NAB1: variants seen among roughly 807,000 people sequenced by gnomAD.
NAB1 encodes NGFI-A-binding protein 1.
Under a neutral mutation model 49.9 loss-of-function variants are expected in NAB1, and 25 were observed. That is an observed-to-expected ratio of 0.50 (90% CI 0.37 to 0.70). The LOEUF is 0.70. Among genes scored for constraint, NAB1 ranks in the 30% least tolerant of loss-of-function variants. The pLI is 0.00. For missense variants in NAB1, 489 were observed against 575.9 expected (o/e 0.85, Z 1.54); for synonymous variants, 198 against 215.6 (o/e 0.92, Z 0.71).
rs1487683443 is a variant in NAB1 at position 190,692,252 on chromosome 2, TAC to T, written c.*1921_*1922del. 2.6e-5 allele frequency: 4 copies of T among 152,648 alleles called. No individual in the cohort carries two copies. The highest frequency in any genetic ancestry group is 9.6e-5 in the African/African-American group (4 of 41,456). The allele number at this position is 152,648 out of a possible 1,614,324, so 9.5% of individuals were successfully genotyped here. ...ATTTTGTTTTTTTTTAATTGTGTCT[TAC>T]AGTCAAGTTTGTAGATTTTCATAAG... On this transcript the variant is annotated 3_prime_UTR_variant, in exon 10 of 10. Coordinates refer to ENST00000337386, the MANE Select transcript of NAB1 (RefSeq NM_005966.4). This position sits in a 1 kb window ranked among gnomAD's most constrained non-coding sequence, Gnocchi z 5.2.
rs1163107977 is a variant in NAB1 at position 190,678,096 on chromosome 2, ATTGT to A, written c.1005+4947_1005+4950del. ...TAAGAAATTTTCATTTGATATGCTG[ATTGT>A]TTATGAGTAAAAACCTTGTGTTGGG... On this transcript the variant is annotated intron_variant, in intron 6 of 9. Transcript: ENST00000337386. This position sits in a 1 kb window ranked among gnomAD's most constrained non-coding sequence, Gnocchi z 4.9. 1.3e-5 allele frequency among the ~76,000 whole-genome samples: 2 copies of A among 152,210 alleles called. No individual in the cohort carries two copies. The highest frequency in any genetic ancestry group is 2.9e-5 in the Non-Finnish European group (2 of 68,028).
chr2:190,678,385 T>C lies in NAB1; in HGVS notation c.1005+5233T>C, dbSNP rs1351228866. 1.3e-5 allele frequency among the ~76,000 whole-genome samples: 2 copies of C among 152,202 alleles called. No homozygotes were observed. Among genetic ancestry groups the C allele is most frequent in the Non-Finnish European group, 2.9e-5 (2 of 68,038 alleles). On this transcript the variant is annotated intron_variant, in intron 6 of 9. Coordinates refer to ENST00000337386, the MANE Select transcript of NAB1 (RefSeq NM_005966.4). This position sits in a 1 kb window ranked among gnomAD's most constrained non-coding sequence, Gnocchi z 4.9. ...TAACTCCAATGTTATAAGTAACATCTTAGAAGGGAGGAAGGATATATAAAG... is the reference window on the plus strand; with the variant it reads ...TAACTCCAATGTTATAAGTAACATCCTAGAAGGGAGGAAGGATATATAAAG...
chr2:190,671,542 T>C (rs1289071652), intron 5 of NAB1, among the ~76,000 whole-genome samples: 1 of 152,162 alleles, frequency 6.6e-6, no homozygotes, highest in Non-Finnish European at 1.5e-5. Context: ...TTTTTAATTT[T>C]CTTCATTGTA....
chr2:190,681,863 C>T (rs1193429252), intron 6 of NAB1, among the ~76,000 whole-genome samples: 1 of 152,152 alleles, frequency 6.6e-6, no homozygotes, highest in Non-Finnish European at 1.5e-5. Context: ...GTTATTATTA[C>T]ATTATTCCAT....
Position 190,690,350 on chromosome 2 carries a change from C to T in NAB1, c.*17C>T, listed in dbSNP as rs779696771. 1.5e-5 allele frequency: 24 copies of T among 1,561,836 alleles called. No homozygotes were observed. Among genetic ancestry groups the T allele is most frequent in the Middle Eastern group, 2.1e-4 (1 of 4,834 alleles). On this transcript the variant is annotated 3_prime_UTR_variant, in exon 10 of 10. Coordinates refer to ENST00000337386, the MANE Select transcript of NAB1 (RefSeq NM_005966.4). ...TCAAGATAGCTGTGATTTCTCTCAC[C>T]GTTCTCTGGAAATGGCATCAGATTT...
intron 4 of NAB1, among the ~76,000 whole-genome samples, chr2:190,660,583 T>C (rs536240778): frequency 1.3e-5 from 2 of 152,374 alleles, no homozygotes; most frequent in South Asian, 4.1e-4. Flanking sequence ...ATTTTGTCCA[T>C]ATAACATTAT....
chr2:190,659,151 T>A lies in NAB1; in HGVS notation c.-19-7T>A. The A allele has an allele frequency of 6.6e-7, 1 of 1,508,018 alleles. No individual in the cohort carries two copies. The highest frequency in any genetic ancestry group is 8.9e-7 in the Non-Finnish European group (1 of 1,121,316). 93.4% of individuals were successfully genotyped at this position (1,508,018 alleles called of 1,614,324 possible). Reference sequence around the variant, plus strand: ...TGAGTTTTTACTTTTTTTTTTTTTTTTGGCAGGTTAAACCCATCCAGAGTA... The same window carrying A: ...TGAGTTTTTACTTTTTTTTTTTTTTATGGCAGGTTAAACCCATCCAGAGTA... On this transcript the variant is annotated splice_region_variant and splice_polypyrimidine_tract_variant and intron_variant, in intron 3 of 9. Coordinates refer to ENST00000337386, the MANE Select transcript of NAB1 (RefSeq NM_005966.4). This position sits in a 1 kb window ranked among gnomAD's most constrained non-coding sequence, Gnocchi z 6.2.
rs1035949340 is a variant in NAB1, at chr2:190,690,987, T to C, written c.*654T>C. ...TATCAATGCACGTTTACACAATAAA[T>C]ACTTGAGTGGAGGAAAGTTAAAAAG... is the stretch of plus-strand genomic sequence containing the variant. On this transcript the variant is annotated 3_prime_UTR_variant, in exon 10 of 10. Coordinates refer to ENST00000337386, the MANE Select transcript of NAB1 (RefSeq NM_005966.4). 6.6e-6 allele frequency: 1 copy of C among 152,600 alleles called. No individual in the cohort carries two copies. Among genetic ancestry groups the C allele is most frequent in the South Asian group, 2.1e-4 (1 of 4,838 alleles). 9.5% of individuals were successfully genotyped at this position (152,600 alleles called of 1,614,324 possible).
chr2:190,649,717 C>G lies in NAB1; in HGVS notation c.-333-129C>G, dbSNP rs1693557301. On this transcript the variant is annotated intron_variant, in intron 1 of 9. Transcript: ENST00000337386. The surrounding 1 kb of genome is among the most constrained non-coding windows in gnomAD (Gnocchi z 6.1). ...GCGATGTGGGTTGTGCGCGCCGGCC[C>G]CAGAGTTTTGCAGCCACCTTCGTCA... The G allele has an allele frequency of 6.6e-6, 1 of 152,248 alleles. No homozygotes were observed. The highest frequency in any genetic ancestry group is 6.5e-5 in the Admixed American group (1 of 15,272). 9.4% of individuals were successfully genotyped at this position (152,248 alleles called of 1,614,324 possible).
At chr2:190,655,723 A>C (rs191539979) in intron 2 of NAB1, among the ~76,000 whole-genome samples, 8 of 152,278 alleles carry the variant, frequency 5.3e-5, no homozygotes, top group Admixed American at 1.3e-4. Flanking sequence ...TGTCAGGGAA[A>C]TTTTGTTTTC....
At chr2:190,681,639 G>A (rs1695350052) in intron 6 of NAB1, among the ~76,000 whole-genome samples, 1 of 152,148 alleles carries the variant, frequency 6.6e-6, no homozygotes, top group Non-Finnish European at 1.5e-5. Context: ...AAGCTACATA[G>A]GACCATCTTA....
Position 190,677,864 on chromosome 2 carries a change from A to G in NAB1, c.1005+4712A>G, listed in dbSNP as rs1257316456. Among the ~76,000 whole-genome samples, 1 of 152,130 alleles carries G rather than the reference A, an allele frequency of 6.6e-6. No individual in the cohort carries two copies. The highest frequency in any genetic ancestry group is 1.5e-5 in the Non-Finnish European group (1 of 68,030). ...CCTAGGTGCTAATGATTATTCACAA[A>G]GCATCTTACCTGTGAAAAAAACACT... On this transcript the variant is annotated intron_variant, in intron 6 of 9. Transcript: ENST00000337386. This position sits in a 1 kb window ranked among gnomAD's most constrained non-coding sequence, Gnocchi z 5.6.
intron 6 of NAB1, among the ~76,000 whole-genome samples, chr2:190,673,547 T>A (rs1393690862): frequency 6.6e-6 from 1 of 152,218 alleles, no homozygotes; most frequent in Non-Finnish European, 1.5e-5. Context: ...TCCAGTCAAT[T>A]TATCAAAGGT....
intron 4 of NAB1, among the ~76,000 whole-genome samples, chr2:190,661,582 T>TA (rs1694230130): frequency 6.6e-6 from 1 of 152,186 alleles, no homozygotes; most frequent in Non-Finnish European, 1.5e-5. Context: ...AAAAAAATCA[T>TA]ACCCTACTTT....
rs1026512165 is a variant in NAB1 at position 190,657,513 on chromosome 2, G to A, written c.-20+1360G>A. ...AACTGTATTTTTCAAAAGCACCCCA[G>A]GTGATTTCCTGGGTTTTAGTAGAAG... On this transcript the variant is annotated intron_variant, in intron 3 of 9. Transcript: ENST00000337386. The surrounding 1 kb of genome is among the most constrained non-coding windows in gnomAD (Gnocchi z 4.4). Among the ~76,000 whole-genome samples the A allele has an allele frequency of 6.6e-6, 1 of 152,220 alleles. No individual in the cohort carries two copies. The highest frequency in any genetic ancestry group is 1.5e-5 in the Non-Finnish European group (1 of 68,032).
intron 6 of NAB1, 166 bp downstream of exon 6, chr2:190,673,318 A>G (rs1226380787): frequency 5.9e-6 from 4 of 676,760 alleles, no homozygotes; most frequent in Non-Finnish European, 1.0e-5. Flanking sequence ...TTGAAATACA[A>G]TATTTACAGT....
Position 190,667,334 on chromosome 2 carries a change from T to G in NAB1, c.820-2992T>G, listed in dbSNP as rs981999170. 2.6e-5 allele frequency among the ~76,000 whole-genome samples: 4 copies of G among 152,246 alleles called. No individual in the cohort carries two copies. Among genetic ancestry groups the G allele is most frequent in the African/African-American group, 9.6e-5 (4 of 41,456 alleles). ...GTCAGTTAAAACATCTTACTGAAAA[T>G]CAGAGGTTTCCTTAGTAATTTAGAT... is the stretch of plus-strand genomic sequence containing the variant. On this transcript the variant is annotated intron_variant, in intron 4 of 9. Transcript: ENST00000337386. This position sits in a 1 kb window ranked among gnomAD's most constrained non-coding sequence, Gnocchi z 4.4.
intron 5 of NAB1, among the ~76,000 whole-genome samples, chr2:190,672,649 T>A: frequency 6.6e-6 from 1 of 152,118 alleles, no homozygotes; most frequent in East Asian, 1.9e-4. Context: ...CCTCCTTGAT[T>A]TTTTTTTCAT....
Position 190,667,726 on chromosome 2 carries a change from A to T in NAB1, c.820-2600A>T, listed in dbSNP as rs1019734481. ...TACAGTTATAAATTTGGGGAGGAGG[A>T]TGTTAAATATCTATATCATACCATG... On this transcript the variant is annotated intron_variant, in intron 4 of 9. Transcript: ENST00000337386. This position sits in a 1 kb window ranked among gnomAD's most constrained non-coding sequence, Gnocchi z 4.4. Among the ~76,000 whole-genome samples the T allele has an allele frequency of 2.0e-5, 3 of 152,276 alleles. No homozygotes were observed. In the Middle Eastern group the frequency reaches 0.01, roughly 518 times the overall value.
Sources: allele counts gnomAD v4.1 joint callset (sites outside exome capture counted in the v4.1 genomes callset), GRCh38; gene constraint gnomAD v4.1.1; non-coding constraint Gnocchi (gnomAD v3.1); transcripts MANE v1.5; gene names NCBI Gene and HGNC (gene_info 2026-07-23, HGNC 2026-07-21).